Variants in UBE2E2 observed in about 807,000 individuals in gnomAD.
UBE2E2 encodes ubiquitin conjugating enzyme E2 E2.
A neutral mutation model predicts 24.7 loss-of-function variants in UBE2E2; 6 were observed. That is an observed-to-expected ratio of 0.24 (90% CI 0.13 to 0.48). UBE2E2 has a LOEUF of 0.48. UBE2E2 is among the 20% of genes least tolerant of loss of function. The pLI, the probability that UBE2E2 is intolerant of heterozygous loss-of-function variation, is 0.99. For missense variants in UBE2E2, 169 were observed against 245.0 expected, an observed-to-expected ratio of 0.69 and a Z score of 2.07; for synonymous variants, 104 against 83.6, an observed-to-expected ratio of 1.24 and a Z score of -1.33.
chr3:23,418,906 A>G (rs187711328), intron 3 of UBE2E2, among the ~76,000 whole-genome samples: 58 of 151,904 alleles, frequency 3.8e-4, no homozygotes, highest in African/African-American at 1.2e-3. Flanking sequence ...GTTAGATTAA[A>G]TGACTTCCCA....
intron 4 of UBE2E2, among the ~76,000 whole-genome samples, chr3:23,516,030 C>T (rs1361670023): frequency 6.6e-6 from 1 of 152,126 alleles, no homozygotes; most frequent in Non-Finnish European, 1.5e-5. Flanking sequence ...GAGAACATTT[C>T]TTACATCATT....
intron 3 of UBE2E2, among the ~76,000 whole-genome samples, chr3:23,236,022 CAG>C (rs1447343136): frequency 6.6e-6 from 1 of 152,132 alleles, no homozygotes; most frequent in East Asian, 1.9e-4. Context: ...AGAATATAGA[CAG>C]ACAGTAATAC....
At chr3:23,346,330 C>A (rs1695555590) in intron 3 of UBE2E2, among the ~76,000 whole-genome samples, 1 of 152,116 alleles carries the variant, frequency 6.6e-6, no homozygotes, top group Non-Finnish European at 1.5e-5. Context: ...AAGATTAGTA[C>A]CTTTTATCTC....
chr3:23,258,906 A>AG (rs1339642234), intron 3 of UBE2E2, among the ~76,000 whole-genome samples: 2 of 150,410 alleles, frequency 1.3e-5, no homozygotes, highest in East Asian at 3.9e-4. Context: ...AAAAGAAAAA[A>AG]AAAAAAAAAA....
intron 3 of UBE2E2, among the ~76,000 whole-genome samples, chr3:23,362,064 G>A (rs1696131993): frequency 6.6e-6 from 1 of 151,954 alleles, no homozygotes; most frequent in South Asian, 2.1e-4. Context: ...AGGAAGAAGG[G>A]GCCAAAATGG....
chr3:23,568,198 C>T (rs7640308), intron 5 of UBE2E2, among the ~76,000 whole-genome samples: 99,238 of 152,096 alleles, frequency 0.65, 33,609 homozygotes, highest in African/African-American at 0.84. Context: ...GTGGAGACCA[C>T]GGATACGTAA....
intron 3 of UBE2E2, among the ~76,000 whole-genome samples, chr3:23,419,739 T>C (rs1410775758): frequency 2.0e-5 from 3 of 152,304 alleles, no homozygotes; most frequent in East Asian, 1.9e-4. Flanking sequence ...CTGACAGATA[T>C]TAGGCACTGA....
rs183963580 is a variant in UBE2E2, at chr3:23,388,463, A to G, written c.228-111145A>G. Among the ~76,000 whole-genome samples, 1,212 of 152,294 alleles carry G rather than the reference A, an allele frequency of 8.0e-3. 22 individuals are homozygous for G. The highest frequency in any genetic ancestry group is 0.027 in the African/African-American group (1,125 of 41,562). On this transcript the variant is annotated intron_variant, in intron 3 of 5. Coordinates refer to ENST00000396703, the MANE Select transcript of UBE2E2 (RefSeq NM_152653.4). ...CTCACTTGAGAACCTTATGATATCTATTTACAAGTGCATTTTTGTGGAAAT... is the reference window on the plus strand; with the variant it reads ...CTCACTTGAGAACCTTATGATATCTGTTTACAAGTGCATTTTTGTGGAAAT...
rs145056239 is a variant in UBE2E2, at chr3:23,547,208, C to T, written c.508+14507C>T. Among the ~76,000 whole-genome samples, 560 of 152,332 alleles carry T rather than the reference C, an allele frequency of 3.7e-3. 3 individuals carry two copies. Among genetic ancestry groups the T allele is most frequent in the Non-Finnish European group, 6.6e-3 (446 of 68,022 alleles). On this transcript the variant is annotated intron_variant, in intron 5 of 5. Coordinates refer to ENST00000396703, the MANE Select transcript of UBE2E2 (RefSeq NM_152653.4). ...TGTGTCAGGCTTTGCTAAGCAATCTCGTTCCAACAATAAGACATTTTTTTC... is the reference window on the plus strand; with the variant it reads ...TGTGTCAGGCTTTGCTAAGCAATCTTGTTCCAACAATAAGACATTTTTTTC...
At chr3:23,564,615 A>C (rs1181583173) in intron 5 of UBE2E2, among the ~76,000 whole-genome samples, 2 of 152,140 alleles carry the variant, frequency 1.3e-5, no homozygotes, top group Non-Finnish European at 2.9e-5. Flanking sequence ...ATTTCCAAAC[A>C]TAATTCTGTG....
chr3:23,400,575 A>T (rs1437464206), intron 3 of UBE2E2, among the ~76,000 whole-genome samples: 1 of 150,666 alleles, frequency 6.6e-6, no homozygotes, highest in Non-Finnish European at 1.5e-5. Context: ...TCATCCTAAG[A>T]TCTACAGGTG....
At chr3:23,508,713 C>G (rs1356213890) in intron 4 of UBE2E2, among the ~76,000 whole-genome samples, 1 of 152,142 alleles carries the variant, frequency 6.6e-6, no homozygotes, top group Non-Finnish European at 1.5e-5. Flanking sequence ...CCCTGGAGTT[C>G]CTATCTCTGT....
intron 3 of UBE2E2, among the ~76,000 whole-genome samples, chr3:23,236,502 C>CCTGTGGA (rs1697117207): frequency 7.2e-6 from 1 of 139,172 alleles, no homozygotes; most frequent in Non-Finnish European, 1.5e-5. Context: ...TTTTTTTTGG[C>CCTGTGGA]CTGTGGACTG....
rs12637498 is a variant in UBE2E2, at chr3:23,488,352, C to T, written c.228-11256C>T. On this transcript the variant is annotated intron_variant, in intron 3 of 5. Transcript: ENST00000396703. ...GGTATTTCTCCAAATGTTATTCCTC[C>T]GCTAAGCCCCCTACCGCCCCGCCGA... Among the ~76,000 whole-genome samples, 31 of 152,186 alleles carry T rather than the reference C, an allele frequency of 2.0e-4. No individual in the cohort carries two copies. The South Asian group carries it at 5.2e-3, about 26-fold the overall frequency.
intron 2 of UBE2E2, among the ~76,000 whole-genome samples, chr3:23,215,170 T>C (rs568860310): frequency 1.3e-5 from 2 of 152,294 alleles, no homozygotes; most frequent in South Asian, 2.1e-4. Context: ...GGGGATAATA[T>C]CTTCTCCATC....
chr3:23,584,859 G>A lies in UBE2E2; in HGVS notation c.509-4875G>A, dbSNP rs541885056. On this transcript the variant is annotated intron_variant, in intron 5 of 5. Transcript: ENST00000396703. ...AGTGCTGAGATTACAGGCATGAGCC[G>A]CTGTGCCCAGTTGGTATGACAGTCT... 1.2e-4 allele frequency among the ~76,000 whole-genome samples: 18 copies of A among 150,166 alleles called. 1 individual carries two copies. Among genetic ancestry groups the A allele is most frequent in the Admixed American group, 3.3e-4 (5 of 14,928 alleles).
At chr3:23,430,136 C>T (rs545596450) in intron 3 of UBE2E2, among the ~76,000 whole-genome samples, 16 of 152,232 alleles carry the variant, frequency 1.1e-4, no homozygotes, top group African/African-American at 3.9e-4. Flanking sequence ...GAATGTTGGA[C>T]TGAAGCAGTC....
intron 3 of UBE2E2, among the ~76,000 whole-genome samples, chr3:23,373,473 C>T (rs1474769568): frequency 6.6e-6 from 1 of 152,128 alleles, no homozygotes; most frequent in Non-Finnish European, 1.5e-5. Context: ...GTGCCAAAGA[C>T]ACTCTGCTTG....
At chr3:23,286,630 C>T (rs1284036650) in intron 3 of UBE2E2, among the ~76,000 whole-genome samples, 3 of 152,026 alleles carry the variant, frequency 2.0e-5, no homozygotes, top group South Asian at 2.1e-4. Flanking sequence ...TTTGGCTATT[C>T]GGGGTCTTTT....
Sources: allele counts gnomAD v4.1 joint callset (sites outside exome capture counted in the v4.1 genomes callset), GRCh38; gene constraint gnomAD v4.1.1; transcripts MANE v1.5; gene names NCBI Gene and HGNC (gene_info 2026-07-23, HGNC 2026-07-21).